RNF2: variants seen among roughly 807,000 people sequenced by gnomAD.
The protein encoded by RNF2 is E3 ubiquitin-protein ligase RING2.
RNF2 carries 6 observed loss-of-function variants against 37.2 expected under a neutral mutation model. The ratio of observed to expected loss-of-function variants is 0.16; its 90% CI spans 0.09 to 0.32. The LOEUF is 0.32. Ranked by LOEUF, RNF2 falls within the 10% of genes least tolerant of loss-of-function variation. The pLI, the probability that RNF2 is intolerant of heterozygous loss-of-function variation, is 1.00. For synonymous variants in RNF2, 133 were observed against 132.7 expected, an observed-to-expected ratio of 1.00 and a Z score of -0.02; for missense variants, 251 against 404.0, an observed-to-expected ratio of 0.62 and a Z score of 3.25.
At chr1:185,079,937 A>G (rs1651296377) in intron 1 of RNF2, among the ~76,000 whole-genome samples, 1 of 152,170 alleles carries the variant, frequency 6.6e-6, no homozygotes, top group African/African-American at 2.4e-5. Flanking sequence ...TCAGAAAAAA[A>G]AAAAAGCCAA....
At position 185,101,832 on chromosome 1, in the gene RNF2, G is replaced by GGTT. The variant is rs1322900584; in HGVS notation, c.*1531_*1532insGTT. Reference sequence around the variant, plus strand: ...AATATTTAAAATCTGTTTTTACAGGGTTTTTTTTTTTTTTTTTTTTTTGTA... The same window carrying GGTT: ...AATATTTAAAATCTGTTTTTACAGGGGTTTTTTTTTTTTTTTTTTTTTTTTGTA... On this transcript the variant is annotated 3_prime_UTR_variant, in exon 7 of 7. Coordinates refer to ENST00000367510, the MANE Select transcript of RNF2 (RefSeq NM_007212.4). 3 of 97,880 alleles carry GGTT rather than the reference G, an allele frequency of 3.1e-5. No individual in the cohort carries two copies. The highest frequency in any genetic ancestry group is 1.2e-4 in the African/African-American group (3 of 24,640). 6.1% of individuals were successfully genotyped at this position (97,880 alleles called of 1,614,324 possible). A position where few individuals can be genotyped will look rare whatever the true frequency, so the allele number is the denominator to read the frequency against.
chr1:185,053,212 A>C (rs1397948632), intron 1 of RNF2, among the ~76,000 whole-genome samples: 1 of 152,176 alleles, frequency 6.6e-6, no homozygotes, highest in Admixed American at 6.5e-5. Flanking sequence ...ATTCCCATAA[A>C]AAAATCCCCT....
intron 4 of RNF2, 93 bp from the exon 5 acceptor site, chr1:185,097,979 G>T: frequency 7.3e-7 from 1 of 1,378,304 alleles, no homozygotes; most frequent in South Asian, 1.4e-5. Flanking sequence ...GTATTTTTTG[G>T]AATTCTAAAG....
chr1:185,085,992 C>A (rs923594902), intron 1 of RNF2, among the ~76,000 whole-genome samples: 10 of 152,308 alleles, frequency 6.6e-5, no homozygotes, highest in Admixed American at 5.9e-4. Flanking sequence ...CAAGCATACC[C>A]ATACATGGTG....
At chr1:185,064,848 AT>A (rs958088506) in intron 1 of RNF2, among the ~76,000 whole-genome samples, 6 of 151,716 alleles carry the variant, frequency 4.0e-5, no homozygotes, top group East Asian at 3.9e-4. Context: ...TGTATATGGA[AT>A]TTTTTTTTAA....
chr1:185,098,875 C>T (rs1571329794), intron 5 of RNF2, among the ~76,000 whole-genome samples: 1 of 151,902 alleles, frequency 6.6e-6, no homozygotes. Flanking sequence ...CCTCAGCCTC[C>T]CGAGTAGCTG....
At chr1:185,048,867 GTTTC>G (rs1288458555) in intron 1 of RNF2, among the ~76,000 whole-genome samples, 4 of 152,140 alleles carry the variant, frequency 2.6e-5, no homozygotes, top group African/African-American at 9.7e-5. Context: ...GTTTCTTGGT[GTTTC>G]TTTGAGCACT....
intron 1 of RNF2, among the ~76,000 whole-genome samples, chr1:185,064,208 T>C (rs1317036676): frequency 6.6e-6 from 1 of 152,256 alleles, no homozygotes; most frequent in Non-Finnish European, 1.5e-5. Flanking sequence ...TAGTAAGTTA[T>C]GATTAATGTT....
At chr1:185,074,413 C>A (rs549044959) in intron 1 of RNF2, among the ~76,000 whole-genome samples, 1 of 151,664 alleles carries the variant, frequency 6.6e-6, no homozygotes, top group South Asian at 2.2e-4. Context: ...GTGGTTGGTT[C>A]TCCTGAAAAC....
intron 1 of RNF2, among the ~76,000 whole-genome samples, chr1:185,077,399 T>C (rs1651200886): frequency 1.3e-5 from 2 of 152,164 alleles, no homozygotes; most frequent in South Asian, 4.2e-4. Context: ...TGCTCCTGAC[T>C]TTTTTAACAG....
chr1:185,085,181 C>T (rs1021775451), intron 1 of RNF2, among the ~76,000 whole-genome samples: 1 of 127,472 alleles, frequency 7.8e-6, no homozygotes, highest in East Asian at 2.4e-4. Context: ...CAAAGTCTCA[C>T]TCTGTCACCC....
At chr1:185,084,020 A>G (rs1292822229) in intron 1 of RNF2, among the ~76,000 whole-genome samples, 2 of 149,986 alleles carry the variant, frequency 1.3e-5, no homozygotes, top group Non-Finnish European at 3.0e-5. Context: ...TACCTCACTG[A>G]AACTTTAAAC....
At chr1:185,051,485 G>T (rs1650271663) in intron 1 of RNF2, among the ~76,000 whole-genome samples, 1 of 152,178 alleles carries the variant, frequency 6.6e-6, no homozygotes, top group Non-Finnish European at 1.5e-5. Flanking sequence ...ACGTAAAGCG[G>T]TCTTTGTAAA....
chr1:185,094,351 C>T lies in RNF2; in HGVS notation c.464+1075C>T, dbSNP rs768269010. Reference sequence around the variant, plus strand: ...TAGAGATGGGGTTTCACCATATTGGCGAGGCTGGTCTCAACTCCTGACCTT... The same window carrying T: ...TAGAGATGGGGTTTCACCATATTGGTGAGGCTGGTCTCAACTCCTGACCTT... On this transcript the variant is annotated intron_variant, in intron 4 of 6. Transcript: ENST00000367510. Among the ~76,000 whole-genome samples the T allele has an allele frequency of 3.9e-5, 6 of 152,044 alleles. No homozygotes were observed. In the South Asian group the frequency reaches 8.3e-4, roughly 21 times the overall value.
intron 1 of RNF2, among the ~76,000 whole-genome samples, chr1:185,078,897 T>A (rs1169284050): frequency 3.9e-5 from 6 of 152,004 alleles, no homozygotes; most frequent in African/African-American, 7.3e-5. Context: ...TACAAAAATT[T>A]GCCAGGCATG....
At chr1:185,060,577 A>AC (rs1650569031) in intron 1 of RNF2, among the ~76,000 whole-genome samples, 1 of 152,150 alleles carries the variant, frequency 6.6e-6, no homozygotes, top group East Asian at 1.9e-4. Context: ...GAATGTGATG[A>AC]ATTTAGTGTA....
chr1:185,056,236 T>G (rs1650430110), intron 1 of RNF2, among the ~76,000 whole-genome samples: 1 of 152,088 alleles, frequency 6.6e-6, no homozygotes, highest in Non-Finnish European at 1.5e-5. Context: ...TAATGTCAGT[T>G]TAATTTGTTC....
chr1:185,088,887 C>G (rs1043562876), intron 2 of RNF2, among the ~76,000 whole-genome samples: 5 of 151,488 alleles, frequency 3.3e-5, no homozygotes, highest in African/African-American at 1.2e-4. Flanking sequence ...AAGCAGCATG[C>G]CCAGGGACCA....
chr1:185,079,003 C>G lies in RNF2; in HGVS notation c.-2-8549C>G, dbSNP rs576216155. Among the ~76,000 whole-genome samples, 30 of 151,782 alleles carry G rather than the reference C, an allele frequency of 2.0e-4. No homozygotes were observed. The East Asian group carries it at 5.2e-3, about 26-fold the overall frequency. ...AGGTTGCAGTCCCTAAAAGATCATT[C>G]TGAATATCTTATTGATATTTTCCCT... is the stretch of plus-strand genomic sequence containing the variant. On this transcript the variant is annotated intron_variant, in intron 1 of 6. Coordinates refer to ENST00000367510, the MANE Select transcript of RNF2 (RefSeq NM_007212.4).
Sources: allele counts gnomAD v4.1 joint callset (sites outside exome capture counted in the v4.1 genomes callset), GRCh38; gene constraint gnomAD v4.1.1; transcripts MANE v1.5; gene names NCBI Gene and HGNC (gene_info 2026-07-23, HGNC 2026-07-21).